IL20RB: variants seen among roughly 807,000 people sequenced by gnomAD.
The protein encoded by IL20RB is interleukin-20 receptor subunit beta.
In IL20RB, 21 loss-of-function variants were observed where a neutral mutation model predicts 33.3. The ratio of observed to expected loss-of-function variants is 0.63; its 90% confidence interval spans 0.45 to 0.91. The LOEUF is 0.91. IL20RB is among the 40% of genes least tolerant of loss of function. IL20RB has a pLI of 0.00. For missense variants in IL20RB, 345 were observed against 384.8 expected, an observed-to-expected ratio of 0.90 and a Z score of 0.86; for synonymous variants, 147 against 146.8, an observed-to-expected ratio of 1.00 and a Z score of -0.01.
intron 6 of IL20RB, among the ~76,000 whole-genome samples, chr3:137,006,050 C>T (rs1942343853): frequency 1.3e-5 from 2 of 152,178 alleles, no homozygotes; most frequent in African/African-American, 4.8e-5. Context: ...ATATGAAATT[C>T]TGGGTTGAAA....
At chr3:136,990,987 G>A (rs1199246610) in intron 4 of IL20RB, among the ~76,000 whole-genome samples, 1 of 152,246 alleles carries the variant, frequency 6.6e-6, no homozygotes, top group African/African-American at 2.4e-5. Flanking sequence ...GTAACTGGCA[G>A]GGCCAGGGCT....
intron 1 of IL20RB, among the ~76,000 whole-genome samples, chr3:136,978,660 A>G (rs886744858): frequency 6.6e-6 from 1 of 152,184 alleles, no homozygotes; most frequent in South Asian, 2.1e-4. Context: ...CTTTTTGTAC[A>G]TTACTGAATT....
chr3:136,987,262 A>T (rs1019600291), intron 3 of IL20RB, among the ~76,000 whole-genome samples: 3 of 152,080 alleles, frequency 2.0e-5, no homozygotes, highest in Non-Finnish European at 2.9e-5. Context: ...CCTGAGCTAG[A>T]CACAAAGGTT....
chr3:136,982,492 G>A (rs969376960), intron 3 of IL20RB, 142 bp downstream of exon 3: 5 of 550,466 alleles, frequency 9.1e-6, no homozygotes, highest in African/African-American at 7.7e-5. Flanking sequence ...ACCCTTACTG[G>A]TATATTTGAA....
chr3:136,966,585 C>G lies in IL20RB; in HGVS notation c.88+8384C>G, dbSNP rs1206117674. Among the ~76,000 whole-genome samples the G allele has an allele frequency of 1.7e-4, 15 of 87,930 alleles. 3 individuals carry two copies. Among genetic ancestry groups the G allele is most frequent in the Non-Finnish European group, 3.1e-4 (14 of 45,446 alleles). The allele number at this position is 87,930 out of a possible 152,430, so 57.7% of individuals were successfully genotyped here. A position where few individuals can be genotyped will look rare whatever the true frequency, so the allele number is the denominator to read the frequency against. On this transcript the variant is annotated intron_variant, in intron 1 of 6. Transcript: ENST00000329582. ...TATTGTGTCTATTTGATTCTTTTCT[C>G]TTTTTTTCTTTATTAGTCTTGCTAG...
At chr3:136,970,676 G>GGA (rs550767171) in intron 1 of IL20RB, among the ~76,000 whole-genome samples, 7 of 128,594 alleles carry the variant, frequency 5.4e-5, no homozygotes, top group Admixed American at 2.4e-4. Flanking sequence ...TTTTTGAGAT[G>GGA]GAGTCTCGCT....
At chr3:137,007,103 T>C (rs1942364536) in intron 6 of IL20RB, among the ~76,000 whole-genome samples, 1 of 152,196 alleles carries the variant, frequency 6.6e-6, no homozygotes, top group South Asian at 2.1e-4. Context: ...GTGGGGGCTG[T>C]AGAACAGCAA....
At position 136,970,873 on chromosome 3, in the gene IL20RB, C is replaced by T. The variant is rs149007985; in HGVS notation, c.89-9593C>T. 2.7e-3 allele frequency among the ~76,000 whole-genome samples: 415 copies of T among 151,778 alleles called. 3 individuals carry two copies. The highest frequency in any genetic ancestry group is 0.01 in the Middle Eastern group (3 of 294). ...TTCACCGTGTTAGCCAGGATGGTCT[C>T]GATCTCCTGACCTCGTGATCCGCCC... On this transcript the variant is annotated intron_variant, in intron 1 of 6. Coordinates refer to ENST00000329582, the MANE Select transcript of IL20RB (RefSeq NM_144717.4).
chr3:136,990,094 C>A (rs1401469202), intron 4 of IL20RB, among the ~76,000 whole-genome samples: 1 of 151,930 alleles, frequency 6.6e-6, no homozygotes, highest in Non-Finnish European at 1.5e-5. Flanking sequence ...GTGCTGCCCT[C>A]CCCATGGGAA....
In IL20RB at chr3:136,992,012, TGTGAAGGCCCAGACATTC is replaced by T. The variant is rs1333492701; in HGVS notation, c.616_633del (p.Gln206_Ala211del). ...CCATGGAGCCAGGGGCTGCATACTG[TGTGAAGGCCCAGACATTC>T]GTGAAGGCCATTGGGAGGTACAGCG... On this transcript the variant is annotated inframe_deletion, in exon 5 of 7. Coordinates refer to ENST00000329582, the MANE Select transcript of IL20RB (RefSeq NM_144717.4). The T allele has an allele frequency of 6.2e-7, 1 of 1,614,004 alleles. No individual in the cohort carries two copies. Among genetic ancestry groups the T allele is most frequent in the Non-Finnish European group, 8.5e-7 (1 of 1,180,022 alleles).
At chr3:137,004,724 A>T (rs1288853221) in intron 6 of IL20RB, among the ~76,000 whole-genome samples, 1 of 151,906 alleles carries the variant, frequency 6.6e-6, no homozygotes, top group Non-Finnish European at 1.5e-5. Context: ...CAGCTTCTGG[A>T]TTCATTTATT....
At chr3:136,958,259 C>A (rs1553801225) in intron 1 of IL20RB, 58 bp downstream of exon 1, 8 of 1,001,240 alleles carry the variant, frequency 8.0e-6, no homozygotes, top group South Asian at 2.7e-5. Context: ...GTTAAGAAGG[C>A]AAAAAATACT....
chr3:136,970,172 G>A (rs569566669), intron 1 of IL20RB, among the ~76,000 whole-genome samples: 1 of 151,514 alleles, frequency 6.6e-6, no homozygotes, highest in African/African-American at 2.4e-5. Flanking sequence ...AGCTCACTGC[G>A]GTCTCAACCT....
Position 136,958,150 on chromosome 3 carries a change from A to G in IL20RB, c.37A>G (p.Thr13Ala), listed in dbSNP as rs1941092291. The G allele has an allele frequency of 1.9e-6, 3 of 1,612,142 alleles. No homozygotes were observed. Among genetic ancestry groups the G allele is most frequent in the Non-Finnish European group, 2.5e-6 (3 of 1,178,250 alleles). Residue 13 changes from threonine to alanine, a missense_variant, in exon 1 of 7, where the codon ACA becomes GCA. Thr to Ala is a moderately conservative substitution (Grantham distance 58). Transcript: ENST00000329582. ...CACAATGGTTCTAGAAGAAATCTGG[A>G]CAAGTCTTTTCATGTGGTTTTTCTA... The part of the protein sequence containing the change: ...TFTMVLEEIW[T>A]SLFMWFFYAL...
At chr3:136,971,282 C>T (rs937595489) in intron 1 of IL20RB, among the ~76,000 whole-genome samples, 1 of 152,290 alleles carries the variant, frequency 6.6e-6, no homozygotes, top group East Asian at 1.9e-4. Flanking sequence ...GGGCATGTGC[C>T]ACCACACCCG....
chr3:136,974,995 A>G (rs1047370130), intron 1 of IL20RB, among the ~76,000 whole-genome samples: 6 of 152,058 alleles, frequency 3.9e-5, no homozygotes, highest in Non-Finnish European at 7.4e-5. Context: ...GAAATTTCTC[A>G]TTTATATTCT....
At chr3:136,998,554 T>A (rs1470872998) in intron 6 of IL20RB, among the ~76,000 whole-genome samples, 1 of 151,548 alleles carries the variant, frequency 6.6e-6, no homozygotes, top group Non-Finnish European at 1.5e-5. Flanking sequence ...TGACAAATTC[T>A]CTTTGATTTT....
chr3:137,008,279 G>GA (rs1051012475), intron 6 of IL20RB, among the ~76,000 whole-genome samples: 3 of 151,604 alleles, frequency 2.0e-5, no homozygotes, highest in South Asian at 2.1e-4. Flanking sequence ...CTGGAAAGAA[G>GA]AAAAAAAAGC....
chr3:136,958,911 T>TTTTCTC (rs1553801333), intron 1 of IL20RB, among the ~76,000 whole-genome samples: 1 of 150,008 alleles, frequency 6.7e-6, no homozygotes, highest in Admixed American at 6.6e-5. Flanking sequence ...CTTGAGTACT[T>TTTTCTC]TCTCTCTCTC....
Sources: gnomAD v4.1 joint callset for allele counts (sites outside exome capture counted in the v4.1 genomes callset) on GRCh38, gnomAD v4.1.1 for gene constraint, MANE v1.5 for transcripts, NCBI Gene and HGNC (gene_info 2026-07-23, HGNC 2026-07-21) for gene names.